RBFOX1: variants seen among roughly 807,000 people sequenced by gnomAD.
RBFOX1 encodes the protein RNA binding protein fox-1 homolog 1.
A neutral mutation model predicts 57.7 loss-of-function variants in RBFOX1; 8 were observed. That is an observed-to-expected ratio of 0.14 (90% CI 0.08 to 0.25). The LOEUF is 0.25. Among genes scored for constraint, RBFOX1 ranks in the 10% least tolerant of loss-of-function variants. The pLI is 1.00. For synonymous variants in RBFOX1, 326 were observed against 222.4 expected (o/e 1.47, Z -4.15); for missense variants, 611 against 548.5 (o/e 1.11, Z -1.14).
At chr16:6,570,122 C>G (rs1441170293) in intron 2 of RBFOX1, among the ~76,000 whole-genome samples, 1 of 152,154 alleles carries the variant, frequency 6.6e-6, no homozygotes, top group East Asian at 1.9e-4. Flanking sequence ...GAGCCATGTG[C>G]TTAAATGAAA....
chr16:6,540,296 A>G (rs1014949054), intron 2 of RBFOX1, among the ~76,000 whole-genome samples: 2 of 131,512 alleles, frequency 1.5e-5, no homozygotes, highest in Non-Finnish European at 3.3e-5. Flanking sequence ...GCCATCATAT[A>G]AGCTGGCTGG....
At chr16:6,741,134 C>T (rs1005230844) in intron 3 of RBFOX1, among the ~76,000 whole-genome samples, 5 of 152,048 alleles carry the variant, frequency 3.3e-5, no homozygotes, top group African/African-American at 1.2e-4. Flanking sequence ...ATAATCTTTA[C>T]AACAATGGTG....
At chr16:7,671,457 A>G (rs1036664568) in intron 13 of RBFOX1, 4 of 1,176,668 alleles carry the variant, frequency 3.4e-6, no homozygotes, top group South Asian at 2.7e-5. Flanking sequence ...GAGAGAAGCA[A>G]ACTTGTAAAT....
At chr16:6,890,805 G>C (rs1438767110) in intron 3 of RBFOX1, among the ~76,000 whole-genome samples, 1 of 152,150 alleles carries the variant, frequency 6.6e-6, no homozygotes. Context: ...TGTTCTGTGT[G>C]AAAAGTAACT....
chr16:5,369,808 ATT>A (rs948221498), intron 1 of RBFOX1, among the ~76,000 whole-genome samples: 10 of 152,188 alleles, frequency 6.6e-5, no homozygotes, highest in African/African-American at 2.2e-4. Context: ...AGACGCTATC[ATT>A]TAAAATAATG....
At position 7,532,516 on chromosome 16, in the gene RBFOX1, G is replaced by T. The variant is rs113985216; in HGVS notation, c.270+14127G>T. Among the ~76,000 whole-genome samples, 126 of 152,286 alleles carry T rather than the reference G, an allele frequency of 8.3e-4. 1 individual carries two copies. The highest frequency in any genetic ancestry group is 2.8e-3 in the African/African-American group (116 of 41,562). On this transcript the variant is annotated intron_variant, in intron 5 of 15. Coordinates refer to ENST00000550418, the MANE Select transcript of RBFOX1 (RefSeq NM_018723.4). ...AAAAGGGAGGACGTGAGTTGGATGC[G>T]CACCCTGGAATACAGGGCGTTGGCC... is the stretch of plus-strand genomic sequence containing the variant.
Position 7,285,075 on chromosome 16 carries a change from C to CTTTTT in RBFOX1, c.27+233003_27+233007dup, listed in dbSNP as rs58959488. Among the ~76,000 whole-genome samples, 146 of 42,734 alleles carry CTTTTT rather than the reference C, an allele frequency of 3.4e-3. 27 individuals are homozygous for CTTTTT. Among genetic ancestry groups the CTTTTT allele is most frequent in the Non-Finnish European group, 4.9e-3 (104 of 21,020 alleles). The allele number at this position is 42,734 out of a possible 152,430, so 28.0% of individuals were successfully genotyped here. A position where few individuals can be genotyped will look rare whatever the true frequency, so the allele number is the denominator to read the frequency against. On this transcript the variant is annotated intron_variant, in intron 4 of 15. Transcript: ENST00000550418. ...CCCTTTGCTATCTATAGATTCCTTA[C>CTTTTT]TTTTTTTTTTTTTTTTTTTTTTTTT... is the stretch of plus-strand genomic sequence containing the variant.
chr16:7,142,414 G>A (rs970605808), intron 4 of RBFOX1, among the ~76,000 whole-genome samples: 8 of 152,052 alleles, frequency 5.3e-5, no homozygotes, highest in Non-Finnish European at 8.8e-5. Context: ...ATGTCATTTC[G>A]TGTCACTCTT....
intron 3 of RBFOX1, among the ~76,000 whole-genome samples, chr16:6,834,352 C>T (rs1199461315): frequency 6.6e-6 from 1 of 152,074 alleles, no homozygotes; most frequent in South Asian, 2.1e-4. Flanking sequence ...GCTGGGATTG[C>T]AGGCATGAGG....
At chr16:6,797,412 G>A (rs142149175) in intron 3 of RBFOX1, among the ~76,000 whole-genome samples, 4 of 152,124 alleles carry the variant, frequency 2.6e-5, no homozygotes. Flanking sequence ...GAAAGGGGGA[G>A]AGAGATAGAG....
intron 4 of RBFOX1, among the ~76,000 whole-genome samples, chr16:7,197,460 A>G (rs1203632912): frequency 6.6e-6 from 1 of 151,916 alleles, no homozygotes; most frequent in Non-Finnish European, 1.5e-5. Context: ...AAAAAAAAAA[A>G]AACATCAAGC....
At chr16:6,092,888 A>G (rs1011088162) in intron 1 of RBFOX1, 4 of 152,124 alleles carry the variant, frequency 2.6e-5, no homozygotes, top group African/African-American at 9.7e-5. Flanking sequence ...TTTTGGTTCT[A>G]TATGAATTTA....
chr16:6,715,176 A>G (rs1319488916), intron 3 of RBFOX1, among the ~76,000 whole-genome samples: 1 of 152,144 alleles, frequency 6.6e-6, no homozygotes, highest in African/African-American at 2.4e-5. Flanking sequence ...AACCCTCCTC[A>G]CTCATAATGA....
rs377446694 is a variant in RBFOX1, at chr16:7,268,320, A to C, written c.27+216222A>C. On this transcript the variant is annotated intron_variant, in intron 4 of 15. Transcript: ENST00000550418. Reference sequence around the variant, plus strand: ...TCAGGGAACGGACAGTAGGGGGCAAAAGTGGAAGTGGAGAAACCAAGGAAC... The same window carrying C: ...TCAGGGAACGGACAGTAGGGGGCAACAGTGGAAGTGGAGAAACCAAGGAAC... Among the ~76,000 whole-genome samples, 35 of 152,242 alleles carry C rather than the reference A, an allele frequency of 2.3e-4. No homozygotes were observed. The East Asian group carries it at 5.4e-3, about 24-fold the overall frequency.
intron 10 of RBFOX1, among the ~76,000 whole-genome samples, chr16:7,619,345 G>C (rs186364629): frequency 2.0e-5 from 3 of 152,180 alleles, no homozygotes; most frequent in Admixed American, 1.3e-4. Context: ...TATTATGTTT[G>C]TTTTTAGCCA....
intron 2 of RBFOX1, among the ~76,000 whole-genome samples, chr16:6,560,633 G>C (rs182734825): frequency 4.9e-4 from 75 of 152,292 alleles, no homozygotes; most frequent in Non-Finnish European, 8.7e-4. Context: ...AGGGCCTTTG[G>C]ATTTTACTTG....
intron 3 of RBFOX1, among the ~76,000 whole-genome samples, chr16:5,866,292 C>G (rs1166072014): frequency 6.6e-6 from 1 of 152,160 alleles, no homozygotes; most frequent in African/African-American, 2.4e-5. Context: ...TTGATGGGCA[C>G]TAATCCCATC....
intron 14 of RBFOX1, among the ~76,000 whole-genome samples, chr16:7,698,024 A>G (rs1032036534): frequency 2.0e-5 from 3 of 152,144 alleles, no homozygotes; most frequent in African/African-American, 7.2e-5. Flanking sequence ...CATGTTGCGT[A>G]TTAGGGAAGA....
At chr16:6,049,360 C>T (rs547980010) in intron 1 of RBFOX1, among the ~76,000 whole-genome samples, 1 of 152,208 alleles carries the variant, frequency 6.6e-6, no homozygotes, top group East Asian at 1.9e-4. Flanking sequence ...AAACTTAAAG[C>T]ATATTTAAAA....
Sources: gnomAD v4.1 joint callset for allele counts (sites outside exome capture counted in the v4.1 genomes callset) on GRCh38, gnomAD v4.1.1 for gene constraint, MANE v1.5 for transcripts, NCBI Gene and HGNC (gene_info 2026-07-23, HGNC 2026-07-21) for gene names.